SENP7: variants seen among roughly 807,000 people sequenced by gnomAD.
The protein encoded by SENP7 is sentrin-specific protease 7.
A neutral mutation model predicts 141.2 loss-of-function variants in SENP7; 64 were observed. The observed-to-expected ratio is 0.45, with a 90% CI of 0.37 to 0.56. The LOEUF is 0.56. SENP7 is among the 20% of genes least tolerant of loss of function. SENP7 has a pLI of 0.00. For synonymous variants in SENP7, 382 were observed against 426.4 expected, an observed-to-expected ratio of 0.90 and a Z score of 1.28; for missense variants, 1,025 against 1,212.2, an observed-to-expected ratio of 0.85 and a Z score of 2.29.
At chr3:101,406,231 C>T (rs1250406265) in intron 5 of SENP7, among the ~76,000 whole-genome samples, 1 of 152,206 alleles carries the variant, frequency 6.6e-6, no homozygotes, top group Non-Finnish European at 1.5e-5. Flanking sequence ...GGCACATATA[C>T]ACCATGGAAT....
intron 3 of SENP7, among the ~76,000 whole-genome samples, chr3:101,463,398 C>CAT (rs1257100584): frequency 3.7e-3 from 218 of 58,682 alleles, no homozygotes; most frequent in East Asian, 6.3e-3. Flanking sequence ...TATATATATA[C>CAT]ATATATATAT....
At chr3:101,466,232 G>A (rs987617450) in intron 3 of SENP7, among the ~76,000 whole-genome samples, 2 of 152,114 alleles carry the variant, frequency 1.3e-5, no homozygotes, top group African/African-American at 4.8e-5. Context: ...AACTTCCCAA[G>A]TCTTGCAAAA....
chr3:101,368,942 T>C (rs2060110179), intron 7 of SENP7, among the ~76,000 whole-genome samples: 1 of 152,228 alleles, frequency 6.6e-6, no homozygotes, highest in Admixed American at 6.5e-5. Flanking sequence ...TTGGCTATAA[T>C]ATGTGATCAT....
intron 3 of SENP7, among the ~76,000 whole-genome samples, chr3:101,493,400 A>G (rs1167878681): frequency 2.0e-5 from 3 of 152,244 alleles, no homozygotes; most frequent in African/African-American, 7.2e-5. Flanking sequence ...ATAAAAGTTA[A>G]AAAACAAAAC....
At chr3:101,451,503 A>T (rs2063133952) in intron 4 of SENP7, among the ~76,000 whole-genome samples, 1 of 152,314 alleles carries the variant, frequency 6.6e-6, no homozygotes. Flanking sequence ...GCACATCAAG[A>T]AGCTTATCCA....
chr3:101,380,419 C>G (rs1166270893), intron 6 of SENP7, among the ~76,000 whole-genome samples: 1 of 99,242 alleles, frequency 1.0e-5, no homozygotes, highest in Non-Finnish European at 1.9e-5. Flanking sequence ...TCTTCTAGAA[C>G]GTAAAGCAAA....
intron 4 of SENP7, among the ~76,000 whole-genome samples, chr3:101,443,973 A>G (rs1298141596): frequency 2.0e-5 from 3 of 150,100 alleles, no homozygotes; most frequent in Non-Finnish European, 4.4e-5. Flanking sequence ...AATGGGAGAA[A>G]ATTTTTGCAA....
At chr3:101,438,996 G>A (rs1218143643) in intron 4 of SENP7, among the ~76,000 whole-genome samples, 9 of 135,076 alleles carry the variant, frequency 6.7e-5, no homozygotes, top group African/African-American at 1.6e-4. Flanking sequence ...GCTGCCCATC[G>A]TCTGGGATGT....
chr3:101,475,337 A>G (rs1005822148), intron 3 of SENP7, among the ~76,000 whole-genome samples: 1 of 152,246 alleles, frequency 6.6e-6, no homozygotes, highest in Non-Finnish European at 1.5e-5. Context: ...GATTAAAAAA[A>G]TGTGGTACAT....
intron 4 of SENP7, among the ~76,000 whole-genome samples, chr3:101,426,202 C>T (rs1344318674): frequency 6.6e-6 from 1 of 152,128 alleles, no homozygotes; most frequent in Non-Finnish European, 1.5e-5. Context: ...CTAGAGAGGC[C>T]TAGCAGAGAA....
intron 4 of SENP7, among the ~76,000 whole-genome samples, chr3:101,428,900 C>G (rs1243512202): frequency 6.6e-6 from 1 of 152,074 alleles, no homozygotes; most frequent in Non-Finnish European, 1.5e-5. Flanking sequence ...ATTTCAGTTT[C>G]CTGCATATGG....
At chr3:101,482,477 T>C (rs1165516573) in intron 3 of SENP7, among the ~76,000 whole-genome samples, 5 of 152,184 alleles carry the variant, frequency 3.3e-5, no homozygotes, top group Non-Finnish European at 4.4e-5. Flanking sequence ...ATTATTCAGA[T>C]GTCATGTCTT....
chr3:101,353,678 G>A (rs765907239), intron 11 of SENP7, among the ~76,000 whole-genome samples: 17 of 151,768 alleles, frequency 1.1e-4, no homozygotes, highest in South Asian at 6.2e-4. Context: ...TTAATTTCTC[G>A]TACTATCAAC....
At chr3:101,478,398 G>A (rs139294121) in intron 3 of SENP7, among the ~76,000 whole-genome samples, 1 of 152,202 alleles carries the variant, frequency 6.6e-6, no homozygotes, top group African/African-American at 2.4e-5. Context: ...GTGCATACCT[G>A]TGATACTAGC....
chr3:101,422,317 T>C (rs943225842), intron 4 of SENP7, among the ~76,000 whole-genome samples: 2 of 151,980 alleles, frequency 1.3e-5, no homozygotes, highest in Non-Finnish European at 2.9e-5. Context: ...GCCAAAAAGG[T>C]TGGGGACTGC....
At chr3:101,463,418 C>CACATATATATATATATATAT (rs2063656282) in intron 3 of SENP7, among the ~76,000 whole-genome samples, 1 of 93,346 alleles carries the variant, frequency 1.1e-5, no homozygotes, top group Non-Finnish European at 2.3e-5. Flanking sequence ...TATATATATA[C>CACATATATATATATATATAT]ACACACATAT....
chr3:101,443,194 T>G (rs566060411), intron 4 of SENP7, among the ~76,000 whole-genome samples: 370 of 152,322 alleles, frequency 2.4e-3, no homozygotes, highest in African/African-American at 8.7e-3. Context: ...CAGCACCATT[T>G]ATTAAATAGG....
At chr3:101,410,876 A>G (rs1052639246) in intron 5 of SENP7, among the ~76,000 whole-genome samples, 4 of 151,460 alleles carry the variant, frequency 2.6e-5, no homozygotes, top group Non-Finnish European at 5.9e-5. Context: ...AAAATAAAAT[A>G]AAATAAAATA....
rs550998373 is a variant in SENP7, at chr3:101,380,071, A to G, written c.678-7945T>C. On this transcript the variant is annotated intron_variant, in intron 6 of 23. Transcript: ENST00000394095. ...TGCTAAGCGAGATAAGTCAGTTAGC[A>G]AAGGACAAATACTGTGATTCCACTT... Among the ~76,000 whole-genome samples, 42 of 152,348 alleles carry G rather than the reference A, an allele frequency of 2.8e-4. No homozygotes were observed. The East Asian group carries it at 6.6e-3, about 24-fold the overall frequency.
Sources: allele counts gnomAD v4.1 joint callset (sites outside exome capture counted in the v4.1 genomes callset), GRCh38; gene constraint gnomAD v4.1.1; transcripts MANE v1.5; gene names NCBI Gene and HGNC (gene_info 2026-07-23, HGNC 2026-07-21).